Variants in CACNA1B observed in about 807,000 individuals in gnomAD.
CACNA1B encodes voltage-dependent N-type calcium channel subunit alpha-1B.
A neutral mutation model predicts 247.2 loss-of-function variants in CACNA1B; 70 were observed. That is an observed-to-expected ratio of 0.28 (90% CI 0.23 to 0.35). CACNA1B has a LOEUF of 0.35. Ranked by LOEUF, CACNA1B falls within the 10% of genes least tolerant of loss-of-function variation. The pLI, the probability that CACNA1B is intolerant of heterozygous loss-of-function variation, is 1.00. For missense variants in CACNA1B, 2,367 were observed against 3,197.4 expected, an observed-to-expected ratio of 0.74 and a Z score of 6.26; for synonymous variants, 1,231 against 1,294.4, an observed-to-expected ratio of 0.95 and a Z score of 1.05.
At position 137,883,237 on chromosome 9, in the gene CACNA1B, C is replaced by T. The variant is rs548173558; in HGVS notation, c.530+354C>T. On this transcript the variant is annotated intron_variant, in intron 3 of 46. Coordinates refer to ENST00000371372, the MANE Select transcript of CACNA1B (RefSeq NM_000718.4). ...GCTGCCCAGGTGAGGGGCTTCCTAG[C>T]GAGGAGGAGGGCTGGACTTCTGGCC... Among the ~76,000 whole-genome samples, 542 of 151,020 alleles carry T rather than the reference C, an allele frequency of 3.6e-3. 5 individuals are homozygous for T. Among genetic ancestry groups the T allele is most frequent in the South Asian group, 4.8e-3 (23 of 4,748 alleles).
At chr9:137,894,787 C>T (rs181663515) in intron 3 of CACNA1B, among the ~76,000 whole-genome samples, 50 of 152,234 alleles carry the variant, frequency 3.3e-4, no homozygotes, top group African/African-American at 1.1e-3. Flanking sequence ...TAGTCTATTG[C>T]TTGATATGTG....
chr9:138,036,672 C>T (rs1406669161), intron 20 of CACNA1B, among the ~76,000 whole-genome samples: 1 of 152,164 alleles, frequency 6.6e-6, no homozygotes, highest in Non-Finnish European at 1.5e-5. Flanking sequence ...TGTCTTCTCT[C>T]TGGGGCTGCT....
chr9:137,981,832 A>G (rs541995817), intron 12 of CACNA1B, among the ~76,000 whole-genome samples: 3 of 152,330 alleles, frequency 2.0e-5, no homozygotes, highest in East Asian at 1.9e-4. Context: ...ATTTTCTGCC[A>G]GCACACAACA....
chr9:138,054,078 A>T lies in CACNA1B; in HGVS notation c.3968+72A>T. The T allele has an allele frequency of 6.9e-7, 1 of 1,451,140 alleles. No homozygotes were observed. The highest frequency in any genetic ancestry group is 9.6e-7 in the Non-Finnish European group (1 of 1,036,874). The allele number at this position is 1,451,140 out of a possible 1,614,324, so 89.9% of individuals were successfully genotyped here. A position where few individuals can be genotyped will look rare whatever the true frequency, so the allele number is the denominator to read the frequency against. ...AGACAACACTGGGAGTTCCCTTGGG[A>T]CCAGGTGGAGCTGGTCACACGGCGT... On this transcript the variant is annotated intron_variant, in intron 26 of 46. Coordinates refer to ENST00000371372, the MANE Select transcript of CACNA1B (RefSeq NM_000718.4). The surrounding 1 kb of genome is among the most constrained non-coding windows in gnomAD (Gnocchi z 4.6).
At chr9:137,886,412 A>G (rs1588978947) in intron 3 of CACNA1B, among the ~76,000 whole-genome samples, 1 of 151,970 alleles carries the variant, frequency 6.6e-6, no homozygotes, top group South Asian at 2.1e-4. Flanking sequence ...TGCCCCATCC[A>G]CCATCCTGCC....
chr9:138,023,393 G>A lies in CACNA1B; in HGVS notation c.2650G>A (p.Glu884Lys), dbSNP rs1958875210. The part of the protein sequence containing the change: ...AESGEPGARE[E>K]RPRPHRSHSK... The stretch of plus-strand genomic sequence containing the variant: ...GAGCGGGGAGCCCGGTGCCCGGGAG[G>A]AGCGGCCGCGGCCGCACCGCAGCCA... The change falls in exon 19 of 47, where the codon GAG becomes AAG. Residue 884 changes from glutamate (E) to lysine (K), a missense_variant. By Grantham distance (56) the Glu-to-Lys change is moderately conservative. Transcript: ENST00000371372. 2 of 1,359,014 alleles carry A rather than the reference G, an allele frequency of 1.5e-6. No individual in the cohort carries two copies. The highest frequency in any genetic ancestry group is 3.1e-5 in the East Asian group (1 of 32,124). The allele number at this position is 1,359,014 out of a possible 1,614,324, so 84.2% of individuals were successfully genotyped here.
At position 138,115,672 on chromosome 9, in the gene CACNA1B, G is replaced by T; in HGVS notation, c.5770G>T (p.Gly1924Trp). Residue 1924 changes from glycine (G) to tryptophan (W), a missense_variant, in exon 42 of 47, where the codon GGG (glycine) becomes TGG (tryptophan). Physicochemically the swap from Gly to Trp is radical, Grantham distance 184. Around this residue, in one of 12 missense-constraint regions of CACNA1B, gnomAD observed 773 missense variants for 779.4 expected, o/e 0.99. Coordinates refer to ENST00000371372, the MANE Select transcript of CACNA1B (RefSeq NM_000718.4). ...GAGTTCCACCTCCCTCAGCAATGGCGGGGCCATGTGAGTATCCAGATGCAG... is the reference window on the plus strand; with the variant it reads ...GAGTTCCACCTCCCTCAGCAATGGCTGGGCCATGTGAGTATCCAGATGCAG... ...QKSSTSLSNG[G>W]AIQNQESGIK... is the part of the protein sequence containing the mutation. 1 of 1,612,566 alleles carries T rather than the reference G, an allele frequency of 6.2e-7. No homozygotes were observed. Among genetic ancestry groups the T allele is most frequent in the Non-Finnish European group, 8.5e-7 (1 of 1,179,150 alleles).
chr9:138,105,840 G>T, intron 39 of CACNA1B, 33 bp downstream of exon 39: 1 of 1,221,896 alleles, frequency 8.2e-7, no homozygotes. Flanking sequence ...GAGGGCCCTG[G>T]ACCCAGGGAT....
chr9:138,064,371 C>A (rs936476840), intron 31 of CACNA1B, among the ~76,000 whole-genome samples: 2 of 152,124 alleles, frequency 1.3e-5, no homozygotes, highest in African/African-American at 4.8e-5. Context: ...TGCAAGGGGG[C>A]CCAGTCTCTC....
At chr9:138,067,152 A>T (rs953397513) in intron 31 of CACNA1B, among the ~76,000 whole-genome samples, 1 of 152,234 alleles carries the variant, frequency 6.6e-6, no homozygotes, top group African/African-American at 2.4e-5. Context: ...CTAGAAAAAT[A>T]TAAATGACTG....
chr9:138,075,723 T>C (rs1401424400), intron 34 of CACNA1B, 96 bp from the exon 35 acceptor site: 1 of 757,014 alleles, frequency 1.3e-6, no homozygotes, highest in African/African-American at 1.7e-5. Context: ...TCACGTGGGG[T>C]CCTTGTACGG....
chr9:138,022,923 C>A (rs1958866565), intron 18 of CACNA1B, 88 bp from the exon 19 acceptor site: 2 of 1,397,796 alleles, frequency 1.4e-6, no homozygotes, highest in Non-Finnish European at 1.8e-6. Flanking sequence ...TGCGCCATTA[C>A]TCCATTGCTG....
intron 6 of CACNA1B, among the ~76,000 whole-genome samples, chr9:137,923,340 G>A (rs1369942276): frequency 2.0e-5 from 3 of 151,222 alleles, no homozygotes; most frequent in African/African-American, 7.3e-5. Flanking sequence ...GTATTCCGTG[G>A]TGCCAGGTAG....
Position 137,957,700 on chromosome 9 carries a change from G to T in CACNA1B, c.1333+13G>T, listed in dbSNP as rs1227255930. 1 of 1,561,374 alleles carries T rather than the reference G, an allele frequency of 6.4e-7. No individual in the cohort carries two copies. On this transcript the variant is annotated intron_variant, in intron 10 of 46. Coordinates refer to ENST00000371372, the MANE Select transcript of CACNA1B (RefSeq NM_000718.4). The surrounding 1 kb of genome is among the most constrained non-coding windows in gnomAD (Gnocchi z 4.7). ...CTCTGTGCTGTTGGTGAGTCTCAGGGTGTCCCTCCAGCTCTGCCAGGCTTG... is the reference window on the plus strand; with the variant it reads ...CTCTGTGCTGTTGGTGAGTCTCAGGTTGTCCCTCCAGCTCTGCCAGGCTTG...
At chr9:138,047,322 A>C in intron 22 of CACNA1B, 77 bp from the exon 23 acceptor site, 1 of 1,131,808 alleles carries the variant, frequency 8.8e-7, no homozygotes, top group Non-Finnish European at 1.3e-6. Flanking sequence ...GCCTGGAGGA[A>C]AAACTCGGAG....
chr9:137,928,519 A>G (rs2133301187), intron 6 of CACNA1B, among the ~76,000 whole-genome samples: 1 of 152,314 alleles, frequency 6.6e-6, no homozygotes, highest in African/African-American at 2.4e-5. Flanking sequence ...TTGTATAGAA[A>G]TGTGTTATGT....
chr9:137,878,992 C>T, intron 1 of CACNA1B, 62 bp from the exon 2 acceptor site: 1 of 1,074,560 alleles, frequency 9.3e-7, no homozygotes. Flanking sequence ...CTGGGCTCTG[C>T]TGGCGTCGGC....
At chr9:137,999,000 C>T (rs1450586094) in intron 15 of CACNA1B, among the ~76,000 whole-genome samples, 4 of 152,150 alleles carry the variant, frequency 2.6e-5, no homozygotes, top group African/African-American at 7.2e-5. Context: ...ACTCAGGAAA[C>T]TTCAACAAGT....
intron 20 of CACNA1B, among the ~76,000 whole-genome samples, chr9:138,036,688 A>G (rs1322925834): frequency 6.6e-6 from 1 of 152,220 alleles, no homozygotes; most frequent in East Asian, 1.9e-4. Flanking sequence ...CTGCTTAAAT[A>G]AAATCAATTT....
Sources: allele counts gnomAD v4.1 joint callset (sites outside exome capture counted in the v4.1 genomes callset), GRCh38; gene constraint gnomAD v4.1.1; regional missense constraint gnomAD v4.1.1; non-coding constraint Gnocchi (gnomAD v3.1); transcripts MANE v1.5; gene names NCBI Gene and HGNC (gene_info 2026-07-23, HGNC 2026-07-21).